ADAMTSL1: variants seen among roughly 807,000 people sequenced by gnomAD.
ADAMTSL1 encodes the protein ADAMTS-like protein 1.
A neutral mutation model predicts 201.8 loss-of-function variants in ADAMTSL1; 126 were observed. The observed-to-expected ratio is 0.62, with a 90% CI of 0.54 to 0.72. The LOEUF (loss-of-function observed/expected upper bound fraction) is 0.72. ADAMTSL1 is among the 30% of genes least tolerant of loss of function. The pLI is 0.00. For synonymous variants in ADAMTSL1, 1,121 were observed against 903.4 expected, an observed-to-expected ratio of 1.24 and a Z score of -4.32; for missense variants, 2,679 against 2,277.8, an observed-to-expected ratio of 1.18 and a Z score of -3.59.
At chr9:18,469,473 C>T (rs139968483), upstream of ADAMTSL1, among the ~76,000 whole-genome samples, 1 of 152,202 alleles carries the variant, frequency 6.6e-6, no homozygotes, top group South Asian at 2.1e-4. Flanking sequence ...TAACACATAA[C>T]ATTTGAGTTA....
intron 1 of ADAMTSL1, among the ~76,000 whole-genome samples, chr9:18,005,234 T>C (rs17773250): frequency 0.058 from 8,814 of 152,070 alleles, 371 homozygotes; most frequent in Middle Eastern, 0.099. Flanking sequence ...GACAAGTCTA[T>C]AGGGAAGAAT....
At chr9:17,967,334 C>T (rs1396681888) in intron 1 of ADAMTSL1, among the ~76,000 whole-genome samples, 1 of 152,072 alleles carries the variant, frequency 6.6e-6, no homozygotes, top group Non-Finnish European at 1.5e-5. Context: ...TTATAGATAA[C>T]TAGTTTCAAT....
chr9:18,865,248 T>A (rs950782680), intron 23 of ADAMTSL1, among the ~76,000 whole-genome samples: 4 of 152,006 alleles, frequency 2.6e-5, no homozygotes, highest in Admixed American at 6.5e-5. Flanking sequence ...TGTCCAAGTG[T>A]TCTCATTGTT....
chr9:18,259,161 G>C (rs905342563), intron 2 of ADAMTSL1, among the ~76,000 whole-genome samples: 6 of 152,064 alleles, frequency 3.9e-5, no homozygotes, highest in African/African-American at 1.4e-4. Context: ...TGCTCATGTG[G>C]GCTTAAAACA....
At chr9:18,890,799 A>C in intron 25 of ADAMTSL1, 1 of 346,234 alleles carries the variant, frequency 2.9e-6, no homozygotes, top group South Asian at 2.2e-5. Context: ...CAGGCCTGAC[A>C]TTCACCAGGG....
intron 15 of ADAMTSL1, among the ~76,000 whole-genome samples, chr9:18,739,708 C>T (rs1818708862): frequency 6.6e-6 from 1 of 152,124 alleles, no homozygotes; most frequent in Non-Finnish European, 1.5e-5. Flanking sequence ...ATTCTCACTC[C>T]CCACGTCAAC....
At chr9:18,813,979 C>G (rs532079121) in intron 20 of ADAMTSL1, among the ~76,000 whole-genome samples, 3 of 152,140 alleles carry the variant, frequency 2.0e-5, no homozygotes, top group Admixed American at 6.5e-5. Context: ...TTCCTGAAGC[C>G]TTCTCAACCT....
intron 22 of ADAMTSL1, 113 bp from the exon 23 acceptor site, chr9:18,829,730 C>T (rs1588182795): frequency 5.8e-6 from 8 of 1,374,790 alleles, no homozygotes; most frequent in Non-Finnish European, 8.0e-6. Context: ...AATAGTAATG[C>T]CTATCTTACA....
At position 18,558,962 on chromosome 9, in the gene ADAMTSL1, A is replaced by G. The variant is rs575308086; in HGVS notation, c.238-15068A>G. Among the ~76,000 whole-genome samples, 671 of 152,106 alleles carry G rather than the reference A, an allele frequency of 4.4e-3. 3 individuals carry two copies. Among genetic ancestry groups the G allele is most frequent in the Middle Eastern group, 6.8e-3 (2 of 294 alleles). On this transcript the variant is annotated intron_variant, in intron 3 of 28. Coordinates refer to ENST00000380548, the MANE Select transcript of ADAMTSL1 (RefSeq NM_001040272.6). Reference sequence around the variant, plus strand: ...ATTTCTCCCATTCTGTAGGTTGCCTATTCACCCTGATGATAGTTTATTTTG... The same window carrying G: ...ATTTCTCCCATTCTGTAGGTTGCCTGTTCACCCTGATGATAGTTTATTTTG...
chr9:18,544,394 C>T (rs1435764879), intron 3 of ADAMTSL1, among the ~76,000 whole-genome samples: 1 of 152,040 alleles, frequency 6.6e-6, no homozygotes, highest in Non-Finnish European at 1.5e-5. Context: ...TAATAAAAAA[C>T]TCCAAATTGT....
chr9:18,668,300 T>C (rs1299484845), intron 9 of ADAMTSL1, among the ~76,000 whole-genome samples: 1 of 152,172 alleles, frequency 6.6e-6, no homozygotes, highest in Non-Finnish European at 1.5e-5. Flanking sequence ...GATACAAAGT[T>C]AGGGTGCTTC....
At chr9:18,304,043 G>A (rs977955475) in intron 2 of ADAMTSL1, among the ~76,000 whole-genome samples, 1 of 152,036 alleles carries the variant, frequency 6.6e-6, no homozygotes, top group African/African-American at 2.4e-5. Flanking sequence ...GGCCTGTGGG[G>A]GATGTAAATC....
chr9:17,955,375 C>G (rs543438786), intron 1 of ADAMTSL1, among the ~76,000 whole-genome samples: 1 of 152,266 alleles, frequency 6.6e-6, no homozygotes, highest in East Asian at 1.9e-4. Context: ...AGGCATAAAA[C>G]TCATTCCAAA....
intron 15 of ADAMTSL1, among the ~76,000 whole-genome samples, chr9:18,744,040 T>C (rs530774868): frequency 6.6e-6 from 1 of 152,332 alleles, no homozygotes; most frequent in East Asian, 1.9e-4. Flanking sequence ...CTCTGAGCCT[T>C]GGCTTGCTTG....
At chr9:18,498,341 T>TCC in intron 1 of ADAMTSL1, among the ~76,000 whole-genome samples, 1 of 150,274 alleles carries the variant, frequency 6.7e-6, no homozygotes. Flanking sequence ...CCACCCCCTT[T>TCC]TTTTTTTTTT....
At chr9:18,874,858 A>G (rs1239618008) in intron 23 of ADAMTSL1, among the ~76,000 whole-genome samples, 1 of 151,872 alleles carries the variant, frequency 6.6e-6, no homozygotes, top group Non-Finnish European at 1.5e-5. Flanking sequence ...CTGTTCTTTG[A>G]ATGTCTGATA....
At chr9:18,577,132 G>C (rs1822785775) in intron 4 of ADAMTSL1, among the ~76,000 whole-genome samples, 1 of 152,088 alleles carries the variant, frequency 6.6e-6, no homozygotes. Flanking sequence ...CTTTTCTTAT[G>C]ATTCTATCAT....
rs750236831 is a variant in ADAMTSL1 at position 18,657,643 on chromosome 9, G to A, written c.839G>A (p.Arg280His). 12 of 1,613,752 alleles carry A rather than the reference G, an allele frequency of 7.4e-6. No individual in the cohort carries two copies. Among genetic ancestry groups the A allele is most frequent in the African/African-American group, 4.0e-5 (3 of 75,034 alleles). The part of the protein sequence containing the change: ...PLTADFIVKI[R>H]NSGSADSTVQ... ...CTTTCCTGTTGACTCCTGCAGATTC[G>A]TAACTCGGGCTCCGCTGACAGTACA... The change falls in exon 8 of 29, where the codon CGT becomes CAT. Residue 280 changes from arginine (R) to histidine (H), a missense_variant. Physicochemically the swap from Arg to His is conservative, Grantham distance 29. Transcript: ENST00000380548.
intron 2 of ADAMTSL1, among the ~76,000 whole-genome samples, chr9:18,328,676 G>C (rs1422031450): frequency 6.6e-6 from 1 of 152,180 alleles, no homozygotes; most frequent in Non-Finnish European, 1.5e-5. Context: ...AGTGTCATTT[G>C]TGCCTAAAAT....
Sources: allele counts gnomAD v4.1 joint callset (sites outside exome capture counted in the v4.1 genomes callset), GRCh38; gene constraint gnomAD v4.1.1; transcripts MANE v1.5; gene names NCBI Gene and HGNC (gene_info 2026-07-23, HGNC 2026-07-21).